ADGRL3: variants seen among roughly 807,000 people sequenced by gnomAD.
ADGRL3 encodes the protein calcium-independent alpha-latrotoxin receptor 3.
A neutral mutation model predicts 153.5 loss-of-function variants in ADGRL3; 62 were observed. The observed-to-expected ratio is 0.40, with a 90% CI of 0.33 to 0.50. The LOEUF (loss-of-function observed/expected upper bound fraction) is 0.50, where lower values mean the gene tolerates loss of function less well. Among genes scored for constraint, ADGRL3 ranks in the 20% least tolerant of loss-of-function variants. The pLI, the probability that ADGRL3 is intolerant of heterozygous loss-of-function variation, is 0.47. For missense variants in ADGRL3, 1,641 were observed against 1,859.4 expected, an observed-to-expected ratio of 0.88 and a Z score of 2.16; for synonymous variants, 710 against 672.5, an observed-to-expected ratio of 1.06 and a Z score of -0.86.
chr4:61,613,199 T>C (rs2091590285), intron 5 of ADGRL3, among the ~76,000 whole-genome samples: 1 of 152,188 alleles, frequency 6.6e-6, no homozygotes, highest in African/African-American at 2.4e-5. Context: ...TTCACATGAT[T>C]TGTGGTGCTG....
At chr4:61,581,774 G>A (rs953242682) in intron 4 of ADGRL3, among the ~76,000 whole-genome samples, 2 of 152,022 alleles carry the variant, frequency 1.3e-5, no homozygotes, top group African/African-American at 4.8e-5. Context: ...TTATATGTCA[G>A]AAACGTGGCA....
At chr4:61,658,258 C>T (rs921243367) in intron 5 of ADGRL3, among the ~76,000 whole-genome samples, 4 of 152,050 alleles carry the variant, frequency 2.6e-5, no homozygotes, top group African/African-American at 9.7e-5. Context: ...TTATGAGCTC[C>T]TTAAGCCTTC....
At chr4:61,874,374 C>G (rs147628908) in intron 9 of ADGRL3, among the ~76,000 whole-genome samples, 1 of 152,274 alleles carries the variant, frequency 6.6e-6, no homozygotes, top group Non-Finnish European at 1.5e-5. Flanking sequence ...TATGGAAAAT[C>G]TGCTTACAAG....
chr4:61,573,078 G>A (rs891055963), intron 4 of ADGRL3, among the ~76,000 whole-genome samples: 1 of 152,094 alleles, frequency 6.6e-6, no homozygotes, highest in Admixed American at 6.6e-5. Context: ...AGCTAGGGAT[G>A]TAAAAGCATT....
chr4:61,817,957 G>A (rs781572387), intron 9 of ADGRL3, among the ~76,000 whole-genome samples: 9 of 152,090 alleles, frequency 5.9e-5, no homozygotes, highest in Non-Finnish European at 1.2e-4. Flanking sequence ...GATTTGGGTA[G>A]AGACACAGCC....
At chr4:61,656,361 G>A (rs1040853548) in intron 5 of ADGRL3, among the ~76,000 whole-genome samples, 1 of 151,302 alleles carries the variant, frequency 6.6e-6, no homozygotes. Flanking sequence ...ACTTTTTTTT[G>A]TGGGGGGGGT....
At chr4:61,302,908 T>C (rs2150369668) in intron 1 of ADGRL3, among the ~76,000 whole-genome samples, 1 of 152,246 alleles carries the variant, frequency 6.6e-6, no homozygotes, top group South Asian at 2.1e-4. Context: ...ATTTCATTGC[T>C]TTGCTGAAAA....
rs1580707708 is a variant in ADGRL3, at chr4:61,764,435, T to G, written c.1399+30881T>G. Among the ~76,000 whole-genome samples the G allele has an allele frequency of 2.5e-5, 3 of 119,640 alleles. No individual in the cohort carries two copies. In the Admixed American group the frequency reaches 2.6e-4, roughly 10 times the overall value. The allele number at this position is 119,640 out of a possible 152,430, so 78.5% of individuals were successfully genotyped here. A position where few individuals can be genotyped will look rare whatever the true frequency, so the allele number is the denominator to read the frequency against. On this transcript the variant is annotated intron_variant, in intron 8 of 26. Transcript: ENST00000683033. ...GGAGTGGGGGTTGCAAGGTGCTCAG[T>G]GGGCAGGAGTGGGGGTCGCAAGGTG... is the stretch of plus-strand genomic sequence containing the variant.
chr4:61,308,456 GTGTT>G (rs1389650276), intron 1 of ADGRL3, among the ~76,000 whole-genome samples: 4 of 152,180 alleles, frequency 2.6e-5, no homozygotes, highest in African/African-American at 4.8e-5. Context: ...TGACAGGAAA[GTGTT>G]TGTGTGTGCA....
At chr4:61,492,766 C>G (rs1469248101) in intron 2 of ADGRL3, among the ~76,000 whole-genome samples, 1 of 151,968 alleles carries the variant, frequency 6.6e-6, no homozygotes, top group Non-Finnish European at 1.5e-5. Flanking sequence ...AGGAAGTTTC[C>G]AAGTAGTTGA....
chr4:61,682,197 T>C (rs1363944467), intron 6 of ADGRL3, among the ~76,000 whole-genome samples: 1 of 152,072 alleles, frequency 6.6e-6, no homozygotes, highest in Non-Finnish European at 1.5e-5. Flanking sequence ...ATTATTATTA[T>C]TATGTATGCC....
intron 2 of ADGRL3, among the ~76,000 whole-genome samples, chr4:61,493,827 T>C (rs1159409397): frequency 6.6e-6 from 1 of 152,234 alleles, no homozygotes; most frequent in Non-Finnish European, 1.5e-5. Flanking sequence ...TTTTCATCCA[T>C]TTTCTTCTTT....
intron 1 of ADGRL3, among the ~76,000 whole-genome samples, chr4:61,360,809 C>T (rs550758561): frequency 1.3e-5 from 2 of 152,232 alleles, no homozygotes; most frequent in South Asian, 4.1e-4. Flanking sequence ...TCTCAAATAG[C>T]CTTCCCCTAA....
chr4:61,998,947 A>G (rs1406624788), intron 21 of ADGRL3, among the ~76,000 whole-genome samples: 1 of 152,088 alleles, frequency 6.6e-6, no homozygotes, highest in Admixed American at 6.6e-5. Context: ...GAGCAATGTG[A>G]TGAGAGCCAG....
intron 4 of ADGRL3, among the ~76,000 whole-genome samples, chr4:61,565,173 G>A (rs2098811414): frequency 2.0e-5 from 3 of 152,136 alleles, no homozygotes; most frequent in Admixed American, 2.0e-4. Context: ...CAGTATCTGG[G>A]AAGTGCAATG....
At chr4:61,423,879 A>G (rs1210286233) in intron 2 of ADGRL3, among the ~76,000 whole-genome samples, 1 of 152,200 alleles carries the variant, frequency 6.6e-6, no homozygotes, top group African/African-American at 2.4e-5. Flanking sequence ...ACAGAGTAAA[A>G]ACATTTAAAG....
chr4:61,673,392 A>G (rs2095072878), intron 5 of ADGRL3, among the ~76,000 whole-genome samples: 1 of 151,894 alleles, frequency 6.6e-6, no homozygotes, highest in African/African-American at 2.4e-5. Flanking sequence ...AAGATATATC[A>G]AAACATTAGG....
chr4:62,053,081 T>C (rs1160116210), intron 25 of ADGRL3, among the ~76,000 whole-genome samples: 2 of 151,520 alleles, frequency 1.3e-5, no homozygotes, highest in Non-Finnish European at 3.0e-5. Flanking sequence ...ATGATATAGA[T>C]ACCATATATA....
chr4:61,643,589 A>G (rs1665767895), intron 5 of ADGRL3, among the ~76,000 whole-genome samples: 1 of 150,432 alleles, frequency 6.6e-6, no homozygotes, highest in African/African-American at 2.5e-5. Context: ...GCTGGATTAC[A>G]TTTATTGATT....
Sources: allele counts gnomAD v4.1 joint callset (sites outside exome capture counted in the v4.1 genomes callset), GRCh38; gene constraint gnomAD v4.1.1; transcripts MANE v1.5; gene names NCBI Gene and HGNC (gene_info 2026-07-23, HGNC 2026-07-21).